Variants in PHYHIPL observed in about 807,000 individuals in gnomAD.
PHYHIPL encodes phytanoyl-CoA hydroxylase-interacting protein-like.
In PHYHIPL, 9 loss-of-function variants were observed where a neutral mutation model predicts 33.4. The ratio of observed to expected loss-of-function variants is 0.27; its 90% CI spans 0.16 to 0.47. The LOEUF is 0.47. PHYHIPL is among the 20% of genes least tolerant of loss of function. The probability of loss-of-function intolerance (pLI) is 0.99; values close to 1 mark genes in which losing one functional copy is unlikely to be tolerated. For missense variants in PHYHIPL, 365 were observed against 460.7 expected (o/e 0.79, Z 1.90); for synonymous variants, 153 against 154.1 (o/e 0.99, Z 0.05).
chr10:59,237,331 A>C (rs1840256670), intron 3 of PHYHIPL, among the ~76,000 whole-genome samples: 1 of 152,006 alleles, frequency 6.6e-6, no homozygotes, highest in African/African-American at 2.4e-5. Context: ...TTCATTCAAG[A>C]AACAGTCATT....
At chr10:59,228,086 A>G (rs1839979327) in intron 1 of PHYHIPL, among the ~76,000 whole-genome samples, 1 of 151,896 alleles carries the variant, frequency 6.6e-6, no homozygotes, top group Non-Finnish European at 1.5e-5. Flanking sequence ...ATATGATTCA[A>G]CATTTGCACT....
At chr10:59,207,054 G>A (rs914227564) in intron 1 of PHYHIPL, among the ~76,000 whole-genome samples, 22 of 152,158 alleles carry the variant, frequency 1.4e-4, no homozygotes, top group African/African-American at 5.3e-4. Context: ...TCTTAAGTAA[G>A]GTACATAGCT....
intron 1 of PHYHIPL, among the ~76,000 whole-genome samples, chr10:59,222,743 C>A (rs1174636499): frequency 6.7e-6 from 1 of 149,350 alleles, no homozygotes; most frequent in Non-Finnish European, 1.5e-5. Context: ...GAAAAAAATT[C>A]ATTAAAGATT....
At chr10:59,221,144 A>G (rs900137039) in intron 1 of PHYHIPL, among the ~76,000 whole-genome samples, 3 of 152,000 alleles carry the variant, frequency 2.0e-5, no homozygotes, top group East Asian at 1.9e-4. Flanking sequence ...TTTTAATCAT[A>G]TAATTGTTTG....
rs115340943 is a variant in PHYHIPL, at chr10:59,211,900, G to T, written c.107-22404G>T. Among the ~76,000 whole-genome samples the T allele has an allele frequency of 4.1e-3, 629 of 152,192 alleles. 6 individuals carry two copies. Among genetic ancestry groups the T allele is most frequent in the African/African-American group, 0.011 (474 of 41,538 alleles). On this transcript the variant is annotated intron_variant, in intron 1 of 4. Coordinates refer to ENST00000373880, the MANE Select transcript of PHYHIPL (RefSeq NM_032439.4). ...TCCTTTCTCAGAGAAGGAATGCAAT[G>T]GTTTGAATGTTTATCCCCTCTAAAA...
At chr10:59,208,367 G>A (rs1409974723) in intron 1 of PHYHIPL, among the ~76,000 whole-genome samples, 1 of 152,122 alleles carries the variant, frequency 6.6e-6, no homozygotes, top group Non-Finnish European at 1.5e-5. Flanking sequence ...AAACAGAAAG[G>A]AATAGCGTCA....
At chr10:59,205,660 GGCAGAAAAA>G (rs1341751117) in intron 1 of PHYHIPL, among the ~76,000 whole-genome samples, 2 of 152,030 alleles carry the variant, frequency 1.3e-5, no homozygotes, top group South Asian at 2.1e-4. Flanking sequence ...ATATTTTTCA[GGCAGAAAAA>G]GCAGAAAAAG....
At chr10:59,177,752 G>A (rs1223799757) in intron 1 of PHYHIPL, 2 of 1,084,164 alleles carry the variant, frequency 1.8e-6, no homozygotes, top group Non-Finnish European at 2.7e-6. Flanking sequence ...GGTGTGGTTA[G>A]TTACAGTGCT....
At chr10:59,189,349 C>T (rs1838714016) in intron 1 of PHYHIPL, among the ~76,000 whole-genome samples, 1 of 151,968 alleles carries the variant, frequency 6.6e-6, no homozygotes, top group African/African-American at 2.4e-5. Context: ...TTTCTAAATG[C>T]TTAATCCTAA....
At chr10:59,223,868 C>T (rs1839846448) in intron 1 of PHYHIPL, among the ~76,000 whole-genome samples, 2 of 151,958 alleles carry the variant, frequency 1.3e-5, no homozygotes, top group Non-Finnish European at 1.5e-5. Flanking sequence ...CTGTGTTGCC[C>T]AGGCTGGTCT....
intron 1 of PHYHIPL, among the ~76,000 whole-genome samples, chr10:59,182,887 G>T (rs1838448935): frequency 1.3e-5 from 2 of 152,118 alleles, no homozygotes; most frequent in African/African-American, 4.8e-5. Flanking sequence ...TTAAGTCTGG[G>T]AAATCTGAAG....
rs562199553 is a variant in PHYHIPL, at chr10:59,213,221, G to C, written c.107-21083G>C. Among the ~76,000 whole-genome samples, 9 of 152,096 alleles carry C rather than the reference G, an allele frequency of 5.9e-5. No individual in the cohort carries two copies. The East Asian group carries it at 1.7e-3, about 29-fold the overall frequency. Reference sequence around the variant, plus strand: ...CAATGCACTTTCTTCAGTGCTGCCAGAGTGATCCTCTAATGTAGAAATCCA... The same window carrying C: ...CAATGCACTTTCTTCAGTGCTGCCACAGTGATCCTCTAATGTAGAAATCCA... On this transcript the variant is annotated intron_variant, in intron 1 of 4. Coordinates refer to ENST00000373880, the MANE Select transcript of PHYHIPL (RefSeq NM_032439.4).
chr10:59,240,170 G>A (rs1840348149), intron 4 of PHYHIPL, among the ~76,000 whole-genome samples: 1 of 151,944 alleles, frequency 6.6e-6, no homozygotes, highest in Admixed American at 6.6e-5. Context: ...ATATACCCTA[G>A]AGTCCATATA....
At chr10:59,239,823 A>C (rs1334093048) in intron 4 of PHYHIPL, among the ~76,000 whole-genome samples, 2 of 151,786 alleles carry the variant, frequency 1.3e-5, no homozygotes, top group Non-Finnish European at 2.9e-5. Flanking sequence ...CTTCTTACAC[A>C]GCATTCCCTA....
rs556455759 is a variant in PHYHIPL at position 59,225,098 on chromosome 10, A to C, written c.107-9206A>C. Among the ~76,000 whole-genome samples the C allele has an allele frequency of 1.0e-3, 136 of 135,072 alleles. 2 individuals are homozygous for C. Among genetic ancestry groups the C allele is most frequent in the African/African-American group, 3.3e-3 (127 of 38,842 alleles). The allele number at this position is 135,072 out of a possible 152,430, so 88.6% of individuals were successfully genotyped here. ...TCCAAGTAAGATGGTACTTTTGGGC[A>C]TGAGCATCAAACTATCCCCTCCATA... On this transcript the variant is annotated intron_variant, in intron 1 of 4. Coordinates refer to ENST00000373880, the MANE Select transcript of PHYHIPL (RefSeq NM_032439.4).
At chr10:59,188,064 T>C (rs1838666449) in intron 1 of PHYHIPL, among the ~76,000 whole-genome samples, 2 of 152,218 alleles carry the variant, frequency 1.3e-5, no homozygotes, top group Admixed American at 6.5e-5. Flanking sequence ...TGTTAAGGTG[T>C]CAATTTTAGA....
chr10:59,247,560 A>C lies in PHYHIPL; in HGVS notation c.*1969A>C. On this transcript the variant is annotated 3_prime_UTR_variant, in exon 5 of 5. Coordinates refer to ENST00000373880, the MANE Select transcript of PHYHIPL (RefSeq NM_032439.4). ...ACTACTTAGCAAGGATGGCAGAGGA[A>C]AATAAACTTTACTTTATATCATGGG... 6.2e-7 allele frequency: 1 copy of C among 1,609,186 alleles called. No individual in the cohort carries two copies. The highest frequency in any genetic ancestry group is 8.5e-7 in the Non-Finnish European group (1 of 1,177,792).
chr10:59,204,121 C>T (rs1359080450), intron 1 of PHYHIPL, among the ~76,000 whole-genome samples: 1 of 151,910 alleles, frequency 6.6e-6, no homozygotes, highest in Non-Finnish European at 1.5e-5. Flanking sequence ...AGGGTTTAGG[C>T]CAATAAACCA....
chr10:59,185,613 C>T (rs887338537), intron 1 of PHYHIPL, among the ~76,000 whole-genome samples: 5 of 152,184 alleles, frequency 3.3e-5, no homozygotes, highest in African/African-American at 1.2e-4. Context: ...TCTCCACATC[C>T]TCTCCAGCAC....
Sources: gnomAD v4.1 joint callset for allele counts (sites outside exome capture counted in the v4.1 genomes callset) on GRCh38, gnomAD v4.1.1 for gene constraint, MANE v1.5 for transcripts, NCBI Gene and HGNC (gene_info 2026-07-23, HGNC 2026-07-21) for gene names.